The following LARS2 variants were observed in gnomAD, a reference collection of about 807,000 sequenced individuals.
LARS2 encodes leucyl-tRNA synthetase 2, mitochondrial.
LARS2 carries 81 observed loss-of-function variants against 116.6 expected under a neutral mutation model. The observed-to-expected ratio is 0.69, with a 90% CI of 0.58 to 0.84. LARS2 has a LOEUF of 0.84. LARS2 is among the 40% of genes least tolerant of loss of function. LARS2 has a pLI of 0.00. For synonymous variants in LARS2, 396 were observed against 407.2 expected (o/e 0.97, Z 0.33); for missense variants, 968 against 1,114.5 (o/e 0.87, Z 1.87).
chr3:45,434,671 T>C (rs1698771712), intron 6 of LARS2, among the ~76,000 whole-genome samples: 1 of 152,246 alleles, frequency 6.6e-6, no homozygotes, highest in African/African-American at 2.4e-5. Context: ...TATTTGGGGA[T>C]TCTTTTAAGA....
At chr3:45,398,540 A>G (rs1298183439) in intron 3 of LARS2, among the ~76,000 whole-genome samples, 1 of 152,234 alleles carries the variant, frequency 6.6e-6, no homozygotes, top group Non-Finnish European at 1.5e-5. Context: ...AGAAATAAAT[A>G]AAAGCAGAAG....
At chr3:45,439,754 C>T (rs1698874291) in intron 6 of LARS2, among the ~76,000 whole-genome samples, 1 of 152,050 alleles carries the variant, frequency 6.6e-6, no homozygotes. Context: ...TGAGAGATCC[C>T]TCTTAGCATA....
rs140787020 is a variant in LARS2 at position 45,454,944 on chromosome 3, A to C, written c.607-3799A>C. On this transcript the variant is annotated intron_variant, in intron 7 of 21. Coordinates refer to ENST00000645846, the MANE Select transcript of LARS2 (RefSeq NM_015340.4). ...CTGGATTTTGACGACTCCAAATTTAACCACTTTTGGAAAGTCTGAGCCTGA... is the reference window on the plus strand; with the variant it reads ...CTGGATTTTGACGACTCCAAATTTACCCACTTTTGGAAAGTCTGAGCCTGA... 6.8e-4 allele frequency among the ~76,000 whole-genome samples: 103 copies of C among 152,212 alleles called. 3 individuals carry two copies. The East Asian group carries it at 0.019, about 29-fold the overall frequency.
chr3:45,501,210 CAG>C (rs1700114846), intron 15 of LARS2, among the ~76,000 whole-genome samples: 1 of 145,524 alleles, frequency 6.9e-6, no homozygotes, highest in African/African-American at 2.4e-5. Flanking sequence ...GTTTAAGAAA[CAG>C]AGTATTTCAG....
At chr3:45,505,534 A>G (rs1700187946) in intron 15 of LARS2, among the ~76,000 whole-genome samples, 1 of 151,812 alleles carries the variant, frequency 6.6e-6, no homozygotes, top group Admixed American at 6.6e-5. Flanking sequence ...AAAAAAAAAA[A>G]AAATTAATGA....
chr3:45,542,020 T>C lies in LARS2; in HGVS notation c.2532+64T>C. 3 of 1,591,892 alleles carry C rather than the reference T, an allele frequency of 1.9e-6. No individual in the cohort carries two copies. In the South Asian group the frequency reaches 3.4e-5, roughly 18 times the overall value. ...TGCCCTGCTGGTGGCCCCTAAATACTGTGGTGGTTTTGAGAGGTCTATTAG... is the reference window on the plus strand; with the variant it reads ...TGCCCTGCTGGTGGCCCCTAAATACCGTGGTGGTTTTGAGAGGTCTATTAG... On this transcript the variant is annotated intron_variant, in intron 21 of 21. Transcript: ENST00000645846.
At chr3:45,451,602 A>G (rs1160618084) in intron 7 of LARS2, among the ~76,000 whole-genome samples, 2 of 152,022 alleles carry the variant, frequency 1.3e-5, no homozygotes, top group Admixed American at 6.6e-5. Flanking sequence ...TTGGGTTACA[A>G]TAGTTTTTTA....
chr3:45,415,117 C>G (rs763312578), intron 4 of LARS2, among the ~76,000 whole-genome samples: 2 of 152,198 alleles, frequency 1.3e-5, no homozygotes, highest in Non-Finnish European at 2.9e-5. Context: ...CATTTGCAGA[C>G]AAGAATGCCT....
chr3:45,488,678 TTTC>T lies in LARS2; in HGVS notation c.1124-14_1124-12del, dbSNP rs1473169455. 1 of 1,490,056 alleles carries T rather than the reference TTTC, an allele frequency of 6.7e-7. No homozygotes were observed. Among genetic ancestry groups the T allele is most frequent in the Non-Finnish European group, 9.4e-7 (1 of 1,066,650 alleles). The allele number at this position is 1,490,056 out of a possible 1,614,324, so 92.3% of individuals were successfully genotyped here. A position where few individuals can be genotyped will look rare whatever the true frequency, so the allele number is the denominator to read the frequency against. The stretch of plus-strand genomic sequence containing the variant: ...GGCACTTGTGAAGGAAATGTTTTCT[TTTC>T]TTCTCCTCTGAATAGGAATTCCCAG... On this transcript the variant is annotated splice_polypyrimidine_tract_variant and intron_variant, in intron 11 of 21. Transcript: ENST00000645846.
intron 18 of LARS2, 61 bp downstream of exon 18, chr3:45,518,133 G>A: frequency 7.3e-7 from 1 of 1,377,016 alleles, no homozygotes; most frequent in Non-Finnish European, 1.0e-6. Flanking sequence ...GGGAACCTTT[G>A]CCTGTGGTCT....
Position 45,480,715 on chromosome 3 carries a change from A to G in LARS2, c.1018+4088A>G, listed in dbSNP as rs899640304. On this transcript the variant is annotated intron_variant, in intron 10 of 21. Coordinates refer to ENST00000645846, the MANE Select transcript of LARS2 (RefSeq NM_015340.4). ...TGTTTCTAGGAAATAGATTTTGACC[A>G]GGTATAGCATGCGAGCTGCTACCGT... Among the ~76,000 whole-genome samples, 34 of 152,216 alleles carry G rather than the reference A, an allele frequency of 2.2e-4. 1 individual carries two copies. Among genetic ancestry groups the G allele is most frequent in the Non-Finnish European group, 4.4e-5 (3 of 68,042 alleles).
chr3:45,450,218 C>G (rs182293049), intron 7 of LARS2, among the ~76,000 whole-genome samples: 2 of 152,270 alleles, frequency 1.3e-5, no homozygotes, highest in East Asian at 3.9e-4. Flanking sequence ...TCCATCACCT[C>G]AAACATTTAT....
intron 13 of LARS2, among the ~76,000 whole-genome samples, chr3:45,493,483 G>A (rs1699959471): frequency 6.6e-6 from 1 of 152,150 alleles, no homozygotes; most frequent in African/African-American, 2.4e-5. Context: ...ACAGACTACA[G>A]GCACCAGAGC....
At chr3:45,416,415 A>G (rs763431744) in intron 4 of LARS2, among the ~76,000 whole-genome samples, 3 of 152,118 alleles carry the variant, frequency 2.0e-5, no homozygotes, top group South Asian at 2.1e-4. Context: ...AATGATGTAC[A>G]TTTAAGAGGG....
At chr3:45,406,901 G>A (rs1698242197) in intron 4 of LARS2, among the ~76,000 whole-genome samples, 2 of 152,144 alleles carry the variant, frequency 1.3e-5, no homozygotes, top group African/African-American at 4.8e-5. Context: ...TGGTGATTTT[G>A]TTGTGTTTTC....
At chr3:45,424,936 A>G (rs935739068) in intron 6 of LARS2, among the ~76,000 whole-genome samples, 4 of 151,912 alleles carry the variant, frequency 2.6e-5, no homozygotes, top group African/African-American at 9.7e-5. Flanking sequence ...GAACTTTTTC[A>G]TGTTTGCTTT....
At chr3:45,461,976 G>A (rs1290395843) in intron 8 of LARS2, among the ~76,000 whole-genome samples, 1 of 152,212 alleles carries the variant, frequency 6.6e-6, no homozygotes, top group East Asian at 1.9e-4. Context: ...TTCAAAGATT[G>A]AGTGAGATAG....
chr3:45,537,450 G>T (rs540424051), intron 20 of LARS2, among the ~76,000 whole-genome samples: 2 of 152,102 alleles, frequency 1.3e-5, no homozygotes, highest in South Asian at 2.1e-4. Flanking sequence ...AATTATAAAC[G>T]TAAAAATCAT....
intron 7 of LARS2, 45 bp from the exon 8 acceptor site, chr3:45,458,698 A>G (rs1559475775): frequency 1.3e-5 from 21 of 1,595,806 alleles, no homozygotes; most frequent in Non-Finnish European, 1.6e-5. Context: ...AAAAAAAAAA[A>G]GAGTACTCAC....
Sources: gnomAD v4.1 joint callset for allele counts (sites outside exome capture counted in the v4.1 genomes callset) on GRCh38, gnomAD v4.1.1 for gene constraint, MANE v1.5 for transcripts, NCBI Gene and HGNC (gene_info 2026-07-23, HGNC 2026-07-21) for gene names.